Variants in RAB37 observed in about 807,000 individuals in gnomAD.
RAB37 encodes the protein ras-related protein Rab-37.
RAB37 carries 29 observed loss-of-function variants against 33.1 expected under a neutral mutation model. The ratio of observed to expected loss-of-function variants is 0.88; its 90% CI spans 0.65 to 1.20. The LOEUF (loss-of-function observed/expected upper bound fraction) is 1.20, where lower values mean the gene tolerates loss of function less well. Ranked by LOEUF, RAB37 falls within the 50% of genes most tolerant of loss-of-function variation. RAB37 has a pLI of 0.00. For missense variants in RAB37, 299 were observed against 301.1 expected (o/e 0.99, Z 0.05); for synonymous variants, 128 against 119.5 (o/e 1.07, Z -0.47).
chr17:74,689,060 G>A (rs181148878), intron 1 of RAB37, among the ~76,000 whole-genome samples: 1 of 152,310 alleles, frequency 6.6e-6, no homozygotes, highest in East Asian at 1.9e-4. Flanking sequence ...TCAGCACTTT[G>A]GAAGGCTGAG....
At chr17:74,682,220 C>T (rs975968930) in intron 1 of RAB37, among the ~76,000 whole-genome samples, 1 of 152,092 alleles carries the variant, frequency 6.6e-6, no homozygotes, top group Non-Finnish European at 1.5e-5. Flanking sequence ...TGGCTTAAGC[C>T]GAAAAGAGAA....
chr17:74,746,871 G>A lies in RAB37; in HGVS notation c.*1460G>A, dbSNP rs985820868. Reference sequence around the variant, plus strand: ...AGGTGGTGGGAGGTCACCCATTTCCGAGTTAAACCAATGCAATATGAGTAA... The same window carrying A: ...AGGTGGTGGGAGGTCACCCATTTCCAAGTTAAACCAATGCAATATGAGTAA... On this transcript the variant is annotated 3_prime_UTR_variant, in exon 9 of 9. Transcript: ENST00000392613. The surrounding 1 kb of genome is among the most constrained non-coding windows in gnomAD (Gnocchi z 5.2). The A allele has an allele frequency of 3.9e-5, 6 of 152,128 alleles. No homozygotes were observed. The highest frequency in any genetic ancestry group is 7.3e-5 in the Non-Finnish European group (5 of 68,048). 9.4% of individuals were successfully genotyped at this position (152,128 alleles called of 1,614,324 possible).
intron 1 of RAB37, among the ~76,000 whole-genome samples, chr17:74,700,847 T>C (rs1332640102): frequency 6.6e-6 from 1 of 152,156 alleles, no homozygotes; most frequent in Middle Eastern, 3.2e-3. Flanking sequence ...TCCCACCCTT[T>C]AGTATCTCAG....
chr17:74,686,644 T>C (rs902688584), intron 1 of RAB37, among the ~76,000 whole-genome samples: 30 of 152,208 alleles, frequency 2.0e-4, no homozygotes, highest in African/African-American at 7.2e-4. Flanking sequence ...TCCACCCATC[T>C]AGCCCTCCCA....
intron 1 of RAB37, among the ~76,000 whole-genome samples, chr17:74,673,383 G>A (rs2031749824): frequency 6.8e-6 from 1 of 146,702 alleles, no homozygotes; most frequent in South Asian, 2.2e-4. Flanking sequence ...ACTCTAGCCT[G>A]GGCAACAAAG....
intron 1 of RAB37, among the ~76,000 whole-genome samples, chr17:74,722,808 A>T (rs1362383355): frequency 6.6e-6 from 1 of 152,224 alleles, no homozygotes; most frequent in African/African-American, 2.4e-5. Context: ...TCTGTCAACC[A>T]AAACATTTTT....
upstream of RAB37, among the ~76,000 whole-genome samples, chr17:74,735,162 AGAAG>A (rs529702169): frequency 1.8e-3 from 252 of 139,648 alleles, no homozygotes; most frequent in South Asian, 0.011. Flanking sequence ...AAAGAAGGAA[AGAAG>A]GAAGGAAGGG....
intron 1 of RAB37, chr17:74,712,718 C>T: frequency 1.7e-6 from 2 of 1,157,678 alleles, no homozygotes; most frequent in South Asian, 1.3e-5. Flanking sequence ...ACGCACAAGG[C>T]TCATGCCATT....
Position 74,745,286 on chromosome 17 carries a change from C to A in RAB37, c.567-20C>A, listed in dbSNP as rs2034732131. 12 of 1,609,260 alleles carry A rather than the reference C, an allele frequency of 7.5e-6. No homozygotes were observed. The highest frequency in any genetic ancestry group is 1.0e-5 in the Non-Finnish European group (12 of 1,176,068). On this transcript the variant is annotated intron_variant, in intron 8 of 8. Transcript: ENST00000392613. This position sits in a 1 kb window ranked among gnomAD's most constrained non-coding sequence, Gnocchi z 4.5. ...CCCAGCCCAGCCCAGCCCAGCCCAG[C>A]CCATTGTCTCTTCTTCAAGGGAACT...
intron 1 of RAB37, among the ~76,000 whole-genome samples, chr17:74,696,583 A>G (rs2032501443): frequency 1.3e-5 from 2 of 152,110 alleles, no homozygotes; most frequent in South Asian, 4.1e-4. Flanking sequence ...TACCTGATTC[A>G]TCCTTCAGGG....
At chr17:74,724,359 G>A (rs1263291281) in intron 1 of RAB37, among the ~76,000 whole-genome samples, 2 of 152,224 alleles carry the variant, frequency 1.3e-5, no homozygotes, top group Non-Finnish European at 2.9e-5. Flanking sequence ...TCCAAAGGAG[G>A]CAATCAGATA....
At chr17:74,694,960 C>G (rs1421752785) in intron 1 of RAB37, 2 of 1,003,844 alleles carry the variant, frequency 2.0e-6, no homozygotes, top group East Asian at 2.5e-5. Flanking sequence ...CAACCCAGAG[C>G]TAGGGGCAAT....
chr17:74,704,472 T>A (rs769410666), intron 1 of RAB37: 1 of 1,602,744 alleles, frequency 6.2e-7, no homozygotes, highest in Non-Finnish European at 8.5e-7. Context: ...ATACACTCCC[T>A]CTTACCTGGG....
chr17:74,737,382 C>A lies in RAB37; in HGVS notation c.93+17C>A. 1 of 1,547,194 alleles carries A rather than the reference C, an allele frequency of 6.5e-7. No homozygotes were observed. Among genetic ancestry groups the A allele is most frequent in the East Asian group, 2.3e-5 (1 of 42,678 alleles). On this transcript the variant is annotated intron_variant, in intron 1 of 8. Coordinates refer to ENST00000392613, the MANE Select transcript of RAB37 (RefSeq NM_001006638.3). Reference sequence around the variant, plus strand: ...ACGGGCAAGGTGGGTGGGCCTCTTCCGTGAGACCCCCGCCCTCCTCGGCGC... The same window carrying A: ...ACGGGCAAGGTGGGTGGGCCTCTTCAGTGAGACCCCCGCCCTCCTCGGCGC...
chr17:74,744,206 C>G lies in RAB37; in HGVS notation c.367-102C>G, dbSNP rs959043006. On this transcript the variant is annotated intron_variant, in intron 5 of 8. Coordinates refer to ENST00000392613, the MANE Select transcript of RAB37 (RefSeq NM_001006638.3). The surrounding 1 kb of genome is among the most constrained non-coding windows in gnomAD (Gnocchi z 4.2). ...ACAGATGAGAGAACGCACAGGGTAT[C>G]GTGTTCAAGGTAGTGAGTAACTGAG... is the stretch of plus-strand genomic sequence containing the variant. 6 of 1,107,250 alleles carry G rather than the reference C, an allele frequency of 5.4e-6. No homozygotes were observed. Among genetic ancestry groups the G allele is most frequent in the Non-Finnish European group, 8.0e-6 (6 of 753,832 alleles). The allele number at this position is 1,107,250 out of a possible 1,614,324, so 68.6% of individuals were successfully genotyped here.
chr17:74,717,877 T>C (rs1324780109), intron 1 of RAB37, among the ~76,000 whole-genome samples: 2 of 150,724 alleles, frequency 1.3e-5, no homozygotes, highest in African/African-American at 2.4e-5. Context: ...CCTTCTACCA[T>C]GTGAGGACAC....
At chr17:74,734,160 G>C (rs563717672), upstream of RAB37, among the ~76,000 whole-genome samples, 15 of 152,306 alleles carry the variant, frequency 9.8e-5, no homozygotes, top group African/African-American at 3.6e-4. Flanking sequence ...CCCTCTGAAG[G>C]CTCCAGAGAA....
intron 1 of RAB37, among the ~76,000 whole-genome samples, chr17:74,710,467 G>A (rs1323150283): frequency 6.6e-6 from 1 of 152,090 alleles, no homozygotes; most frequent in African/African-American, 2.4e-5. Context: ...ATAAATAGTT[G>A]GAAAGTAAAG....
upstream of RAB37, chr17:74,736,571 A>C (rs1440667495): frequency 7.3e-6 from 11 of 1,503,888 alleles, no homozygotes; most frequent in Non-Finnish European, 9.7e-6. Context: ...GTCCACTGGG[A>C]GATGTGTGCT....
Sources: gnomAD v4.1 joint callset for allele counts (sites outside exome capture counted in the v4.1 genomes callset) on GRCh38, gnomAD v4.1.1 for gene constraint, Gnocchi (gnomAD v3.1) non-coding constraint, MANE v1.5 for transcripts, NCBI Gene and HGNC (gene_info 2026-07-23, HGNC 2026-07-21) for gene names.